WDR7: variants seen among roughly 807,000 people sequenced by gnomAD.
WDR7 encodes the protein WD repeat-containing protein 7.
A neutral mutation model predicts 169.4 loss-of-function variants in WDR7; 46 were observed. The observed-to-expected ratio is 0.27, with a 90% CI of 0.21 to 0.35. WDR7 has a LOEUF of 0.35. WDR7 is among the 10% of genes least tolerant of loss of function. The pLI is 1.00. For synonymous variants in WDR7, 612 were observed against 666.8 expected, an observed-to-expected ratio of 0.92 and a Z score of 1.27; for missense variants, 1,534 against 1,859.3, an observed-to-expected ratio of 0.83 and a Z score of 3.22.
At chr18:56,738,154 A>G (rs2026740910) in intron 14 of WDR7, among the ~76,000 whole-genome samples, 1 of 152,220 alleles carries the variant, frequency 6.6e-6, no homozygotes, top group African/African-American at 2.4e-5. Flanking sequence ...CAGTCAAATA[A>G]AGGAAACGTT....
intron 20 of WDR7, among the ~76,000 whole-genome samples, chr18:56,866,737 C>T (rs188277283): frequency 1.8e-4 from 27 of 152,198 alleles, no homozygotes; most frequent in African/African-American, 5.8e-4. Context: ...GATTTTATGG[C>T]AGTGGTGGTA....
intron 14 of WDR7, among the ~76,000 whole-genome samples, chr18:56,756,329 CTAT>C (rs1411119150): frequency 3.3e-5 from 5 of 152,060 alleles, no homozygotes; most frequent in Non-Finnish European, 5.9e-5. Context: ...CAATAATAAA[CTAT>C]TATTTTCTTG....
intron 7 of WDR7, among the ~76,000 whole-genome samples, chr18:56,690,137 A>T (rs2025532906): frequency 6.6e-6 from 1 of 152,220 alleles, no homozygotes; most frequent in Admixed American, 6.5e-5. Context: ...TCTGCTAGGA[A>T]TTATAAGAGC....
intron 20 of WDR7, among the ~76,000 whole-genome samples, chr18:56,834,520 T>C (rs1329862804): frequency 6.6e-6 from 1 of 151,992 alleles, no homozygotes; most frequent in East Asian, 1.9e-4. Context: ...CTCTTTGTCC[T>C]TCAACAATAT....
intron 12 of WDR7, 76 bp from the exon 13 acceptor site, chr18:56,717,888 C>T (rs1234097993): frequency 2.1e-6 from 3 of 1,405,184 alleles, no homozygotes; most frequent in African/African-American, 1.5e-5. Context: ...TTAATTTTGC[C>T]TTAAGTTATT....
At chr18:56,965,654 A>T (rs1485823390) in intron 26 of WDR7, among the ~76,000 whole-genome samples, 2 of 152,090 alleles carry the variant, frequency 1.3e-5, no homozygotes, top group East Asian at 3.8e-4. Flanking sequence ...TGTCTACTAC[A>T]ATGTCAGAAT....
At chr18:56,828,631 T>G (rs1376512284) in intron 20 of WDR7, among the ~76,000 whole-genome samples, 1 of 152,206 alleles carries the variant, frequency 6.6e-6, no homozygotes, top group Non-Finnish European at 1.5e-5. Context: ...ATACTATCAT[T>G]AAATAGTCTT....
chr18:57,035,370 A>C, the WDR7 span: 3 of 152,368 alleles, frequency 2.0e-5, no homozygotes, highest in African/African-American at 4.8e-5. Flanking sequence ...ACCCGCAAGG[A>C]CCCAGGGAAA....
intron 26 of WDR7, among the ~76,000 whole-genome samples, chr18:56,965,304 C>T (rs984760315): frequency 1.4e-4 from 22 of 152,174 alleles, no homozygotes; most frequent in African/African-American, 5.1e-4. Flanking sequence ...AGAAGAGGCC[C>T]AGTGGGATCA....
chr18:56,768,350 T>C (rs2044100185), intron 16 of WDR7, among the ~76,000 whole-genome samples: 1 of 152,238 alleles, frequency 6.6e-6, no homozygotes, highest in Non-Finnish European at 1.5e-5. Flanking sequence ...AGGCCAGCAG[T>C]TCCTACTGAG....
At chr18:56,688,623 G>A (rs2025496478) in intron 7 of WDR7, among the ~76,000 whole-genome samples, 1 of 151,856 alleles carries the variant, frequency 6.6e-6, no homozygotes, top group Non-Finnish European at 1.5e-5. Context: ...CAGCTACTTG[G>A]GAGACTGAGG....
chr18:56,719,685 C>T (rs911147909), intron 13 of WDR7, among the ~76,000 whole-genome samples: 16 of 151,392 alleles, frequency 1.1e-4, no homozygotes, highest in Admixed American at 9.2e-4. Context: ...TTTTTTGGTC[C>T]ACTTCATAAA....
At chr18:56,746,156 G>T (rs2043699497) in intron 14 of WDR7, among the ~76,000 whole-genome samples, 1 of 152,160 alleles carries the variant, frequency 6.6e-6, no homozygotes, top group African/African-American at 2.4e-5. Flanking sequence ...AGTATAACTG[G>T]TACATAGTGG....
intron 17 of WDR7, 29 bp from the exon 18 acceptor site, chr18:56,779,402 G>T: frequency 6.4e-7 from 1 of 1,552,940 alleles, no homozygotes; most frequent in South Asian, 1.2e-5. Context: ...AATGGTTAAA[G>T]AATTTGTAAT....
chr18:56,805,124 T>TTTGGG, intron 19 of WDR7, among the ~76,000 whole-genome samples: 1 of 152,130 alleles, frequency 6.6e-6, no homozygotes, highest in Non-Finnish European at 1.5e-5. Context: ...TAAGTAATGC[T>TTTGGG]TTGGGTTGGG....
At chr18:56,904,518 G>A (rs1402578499) in intron 21 of WDR7, among the ~76,000 whole-genome samples, 1 of 152,094 alleles carries the variant, frequency 6.6e-6, no homozygotes, top group African/African-American at 2.4e-5. Context: ...GTTTTTTGTA[G>A]CCTTTTGATT....
chr18:56,934,615 AACAGTC>A (rs1242845004), intron 22 of WDR7, among the ~76,000 whole-genome samples: 5 of 152,146 alleles, frequency 3.3e-5, no homozygotes, highest in Non-Finnish European at 7.4e-5. Flanking sequence ...TAAGCAGTGT[AACAGTC>A]ACAAAGACTT....
rs574161465 is a variant in WDR7 at position 56,681,185 on chromosome 18, A to G, written c.267-128A>G. 3.1e-5 allele frequency: 22 copies of G among 719,422 alleles called. No individual in the cohort carries two copies. The Admixed American group carries it at 6.0e-4, about 20-fold the overall frequency. 44.6% of individuals were successfully genotyped at this position (719,422 alleles called of 1,614,324 possible). A position where few individuals can be genotyped will look rare whatever the true frequency, so the allele number is the denominator to read the frequency against. ...ACTGGAAATTTTGATGAACAACAGT[A>G]ATAACTGTATGCTACTTTTTCTGAA... On this transcript the variant is annotated intron_variant, in intron 3 of 27. Transcript: ENST00000254442.
chr18:56,898,747 A>G (rs189446209), intron 21 of WDR7, among the ~76,000 whole-genome samples: 126 of 152,220 alleles, frequency 8.3e-4, no homozygotes, highest in African/African-American at 2.9e-3. Flanking sequence ...CTAAAGAGAC[A>G]TGACAACTAA....
Sources: allele counts gnomAD v4.1 joint callset (sites outside exome capture counted in the v4.1 genomes callset), GRCh38; gene constraint gnomAD v4.1.1; transcripts MANE v1.5; gene names NCBI Gene and HGNC (gene_info 2026-07-23, HGNC 2026-07-21).